CAPN15: variants seen among roughly 807,000 people sequenced by gnomAD.
The protein encoded by CAPN15 is calpain-15.
CAPN15 carries 53 observed loss-of-function variants against 97.9 expected under a neutral mutation model. The ratio of observed to expected loss-of-function variants is 0.54; its 90% CI spans 0.43 to 0.68. The LOEUF (loss-of-function observed/expected upper bound fraction) is 0.68. Ranked by LOEUF, CAPN15 falls within the 30% of genes least tolerant of loss-of-function variation. CAPN15 has a pLI of 0.00. For missense variants in CAPN15, 1,592 were observed against 1,589.8 expected (o/e 1.00, Z -0.02); for synonymous variants, 922 against 722.5 (o/e 1.28, Z -4.43).
chr16:548,242 C>T lies in CAPN15; in HGVS notation c.1404C>T (p.Gly468=), dbSNP rs374456445. 2.3e-4 allele frequency: 349 copies of T among 1,550,398 alleles called. 1 individual carries two copies. In the African/African-American group the frequency reaches 3.4e-3, roughly 15 times the overall value. Residue 468 remains glycine (G), a synonymous_variant, in exon 4 of 14, where the codon GGC becomes GGT. Transcript: ENST00000219611. ...HVEQRRQTDE[G]EAKALWENIV... ...AGCAGCGGCGGCAGACAGACGAGGG[C>T]GAGGCCAAGGCACTCTGGGAGAACA...
At position 552,124 on chromosome 16, in the gene CAPN15, A is replaced by T. The variant is rs1238662769; in HGVS notation, c.2419A>T (p.Ser807Cys). ...GGCGCGGGTGCAGGGCTGCTTTCCC[A>T]GCTCGGCCAGCGCGCCCGTGGGGGT... The part of the protein sequence containing the change: ...QEARVQGCFP[S>C]SASAPVGVTA... The change falls in exon 10 of 14, where the codon AGC becomes TGC. Residue 807 changes from serine to cysteine, a missense_variant. This residue lies in a region of CAPN15 where 644 missense variants were observed against 699.6 expected (regional missense o/e 0.92). Coordinates refer to ENST00000219611, the MANE Select transcript of CAPN15 (RefSeq NM_005632.3). The surrounding 1 kb of genome is among the most constrained non-coding windows in gnomAD (Gnocchi z 6.4). 2.6e-6 allele frequency: 4 copies of T among 1,548,358 alleles called. No individual in the cohort carries two copies. The highest frequency in any genetic ancestry group is 3.5e-6 in the Non-Finnish European group (4 of 1,146,512).
Position 547,442 on chromosome 16 carries a change from C to A in CAPN15, c.604C>A (p.Pro202Thr), listed in dbSNP as rs1486590311. Residue 202 changes from proline to threonine, a missense_variant, in exon 4 of 14, where the codon CCT becomes ACT. Around this residue, in one of 3 missense-constraint regions of CAPN15, gnomAD observed 883 missense variants for 776.6 expected, o/e 1.14. Coordinates refer to ENST00000219611, the MANE Select transcript of CAPN15 (RefSeq NM_005632.3). ...GFHVVPAAPPPGLPGEGAEAN... is the reference protein window; with the variant it reads ...GFHVVPAAPPTGLPGEGAEAN... Reference sequence around the variant, plus strand: ...CCACGTCGTGCCTGCCGCGCCTCCACCTGGCCTCCCCGGGGAAGGTGCCGA... The same window carrying A: ...CCACGTCGTGCCTGCCGCGCCTCCAACTGGCCTCCCCGGGGAAGGTGCCGA... 9 of 1,587,396 alleles carry A rather than the reference C, an allele frequency of 5.7e-6. No homozygotes were observed. The African/African-American group carries it at 1.2e-4, about 21-fold the overall frequency.
chr16:536,412 C>CG (rs1046473253), intron 3 of CAPN15, among the ~76,000 whole-genome samples: 2 of 140,220 alleles, frequency 1.4e-5, no homozygotes, highest in Non-Finnish European at 3.0e-5. Flanking sequence ...TAGGGGAACG[C>CG]GGGCTGGGAG....
At position 547,882 on chromosome 16, in the gene CAPN15, G is replaced by T. The variant is rs747269343; in HGVS notation, c.1044G>T (p.Lys348Asn). 1 of 1,611,424 alleles carries T rather than the reference G, an allele frequency of 6.2e-7. No homozygotes were observed. Among genetic ancestry groups the T allele is most frequent in the Non-Finnish European group, 8.5e-7 (1 of 1,179,372 alleles). Residue 348 changes from lysine to asparagine, a missense_variant, in exon 4 of 14, where the codon AAG becomes AAT. By Grantham distance (94) the Lys-to-Asn change is moderately conservative. Transcript: ENST00000219611. ...ACTTCACCACCTGGTCATGTGCCAA[G>T]TGCACGCTCAGAAACCCCACAGTGG... The part of the protein sequence containing the change: ...SPDFTTWSCA[K>N]CTLRNPTVAP...
Position 548,213 on chromosome 16 carries a change from G to A in CAPN15, c.1375G>A (p.Val459Met), listed in dbSNP as rs1329705792. ...APLRRRESMH[V>M]EQRRQTDEGE... is the part of the protein sequence containing the mutation. ...CCTGAGGCGCAGGGAGAGCATGCAC[G>A]TGGAGCAGCGGCGGCAGACAGACGA... is the stretch of plus-strand genomic sequence containing the variant. The change falls in exon 4 of 14, where the codon GTG becomes ATG. Residue 459 changes from valine to methionine, a missense_variant. This residue lies in a region of CAPN15 where 883 missense variants were observed against 776.6 expected (regional missense o/e 1.14). Transcript: ENST00000219611. 10 of 1,549,242 alleles carry A rather than the reference G, an allele frequency of 6.5e-6. No homozygotes were observed. The highest frequency in any genetic ancestry group is 8.7e-6 in the Non-Finnish European group (10 of 1,148,214).
At chr16:540,504 C>T (rs868460150) in intron 3 of CAPN15, 49 of 314,778 alleles carry the variant, frequency 1.6e-4, no homozygotes, top group African/African-American at 1.1e-3. Flanking sequence ...CAGCTCTCTT[C>T]CCCAGGGTGC....
rs779227235 is a variant in CAPN15 at position 553,007 on chromosome 16, C to T, written c.3049C>T (p.Leu1017=). The T allele has an allele frequency of 3.7e-6, 6 of 1,608,720 alleles. No homozygotes were observed. Among genetic ancestry groups the T allele is most frequent in the South Asian group, 3.3e-5 (3 of 90,714 alleles). Residue 1017 remains leucine, a synonymous_variant, in exon 13 of 14, where the codon CTG becomes TTG. Coordinates refer to ENST00000219611, the MANE Select transcript of CAPN15 (RefSeq NM_005632.3). ...CAACGTGGTGTCCACACGCGGCAGC[C>T]TGCGTACCCAGGATAGCGTGCCACC... ...SFNVVSTRGS[L]RTQDSVPPLH...
intron 7 of CAPN15, 131 bp from the exon 8 acceptor site, chr16:551,171 T>TG: frequency 8.1e-7 from 1 of 1,236,714 alleles, no homozygotes; most frequent in Non-Finnish European, 1.0e-6. Flanking sequence ...TCGGTGAGGG[T>TG]CCCGGTCGGT....
At position 554,464 on chromosome 16, in the gene CAPN15, T is replaced by C. The variant is rs1369428269; in HGVS notation, c.*948T>C. 9 of 453,246 alleles carry C rather than the reference T, an allele frequency of 2.0e-5. No individual in the cohort carries two copies. Among genetic ancestry groups the C allele is most frequent in the Non-Finnish European group, 4.0e-5 (9 of 225,894 alleles). 28.1% of individuals were successfully genotyped at this position (453,246 alleles called of 1,614,324 possible). A position where few individuals can be genotyped will look rare whatever the true frequency, so the allele number is the denominator to read the frequency against. On this transcript the variant is annotated 3_prime_UTR_variant, in exon 14 of 14. Coordinates refer to ENST00000219611, the MANE Select transcript of CAPN15 (RefSeq NM_005632.3). The stretch of plus-strand genomic sequence containing the variant: ...CTGGAGAAACATTCCCACTCCCCTT[T>C]GGCCTCCCTGTACTCTGAGCTGTGA...
intron 1 of CAPN15, among the ~76,000 whole-genome samples, chr16:530,620 G>A (rs912955551): frequency 2.0e-5 from 3 of 152,218 alleles, no homozygotes; most frequent in Non-Finnish European, 2.9e-5. Flanking sequence ...ACACAGCTGG[G>A]TGGAGACCTC....
intron 1 of CAPN15, among the ~76,000 whole-genome samples, chr16:533,574 C>T (rs2033427040): frequency 6.6e-6 from 1 of 152,188 alleles, no homozygotes; most frequent in African/African-American, 2.4e-5. Context: ...CTCTGCAGCC[C>T]CGCTCATGGA....
intron 9 of CAPN15, 70 bp downstream of exon 9, chr16:551,734 A>G (rs1596361010): frequency 1.3e-6 from 2 of 1,561,012 alleles, no homozygotes; most frequent in East Asian, 4.5e-5. Context: ...TCTGGAGAAC[A>G]AGCCTGTCCC....
chr16:549,367 G>C lies in CAPN15; in HGVS notation c.1738G>C (p.Glu580Gln), dbSNP rs766774513. The change falls in exon 6 of 14, where the codon GAG (glutamate) becomes CAG (glutamine). Residue 580 changes from glutamate (E) to glutamine (Q), a missense_variant. Glu to Gln is a conservative substitution (Grantham distance 29, BLOSUM62 2). Coordinates refer to ENST00000219611, the MANE Select transcript of CAPN15 (RefSeq NM_005632.3). ...RVMVTRSLCA[E>Q]GAYQVRLCKD... ...GATGGTCACGCGCAGCCTGTGTGCAGAGGGCGCCTACCAGGTGCGGCTGTG... is the reference window on the plus strand; with the variant it reads ...GATGGTCACGCGCAGCCTGTGTGCACAGGGCGCCTACCAGGTGCGGCTGTG... The C allele has an allele frequency of 1.3e-6, 2 of 1,598,182 alleles. No homozygotes were observed. Among genetic ancestry groups the C allele is most frequent in the South Asian group, 2.2e-5 (2 of 90,264 alleles).
chr16:536,206 G>A, intron 3 of CAPN15, 64 bp downstream of exon 3: 1 of 405,402 alleles, frequency 2.5e-6, no homozygotes, highest in Non-Finnish European at 3.3e-6. Flanking sequence ...TGTCCTCAGT[G>A]GCCCTGGACA....
chr16:535,622 C>G lies in CAPN15; in HGVS notation c.-136-407C>G, dbSNP rs551448387. On this transcript the variant is annotated intron_variant, in intron 2 of 13. Coordinates refer to ENST00000219611, the MANE Select transcript of CAPN15 (RefSeq NM_005632.3). This position sits in a 1 kb window ranked among gnomAD's most constrained non-coding sequence, Gnocchi z 6.2. ...GGACTTGTGGGGGTCAGGCATGGAT[C>G]CACACAGCCCGGGGCCCTCCGCACC... 6.6e-6 allele frequency among the ~76,000 whole-genome samples: 1 copy of G among 152,144 alleles called. No homozygotes were observed. Among genetic ancestry groups the G allele is most frequent in the South Asian group, 2.1e-4 (1 of 4,826 alleles).
At position 549,263 on chromosome 16, in the gene CAPN15, G is replaced by A. The variant is rs200640412; in HGVS notation, c.1659-25G>A. On this transcript the variant is annotated intron_variant, in intron 5 of 13. Transcript: ENST00000219611. ...GCGGGCGACCGGCCGCGGTCCCCGC[G>A]AGGTCACCCTGAGGCTCTGCGCAGG... 236 of 1,565,220 alleles carry A rather than the reference G, an allele frequency of 1.5e-4. 1 individual carries two copies. In the East Asian group the frequency reaches 5.0e-3, roughly 33 times the overall value.
Position 552,801 on chromosome 16 carries a change from T to TGGGGGGGGGGGGGGGTGGGGG in CAPN15, c.2904+34_2904+35insGGGGGGGGGGGTGGGGGGGGG. The TGGGGGGGGGGGGGGGTGGGGG allele has an allele frequency of 6.6e-7, 1 of 1,504,538 alleles. No individual in the cohort carries two copies. The highest frequency in any genetic ancestry group is 8.9e-7 in the Non-Finnish European group (1 of 1,119,166). 93.2% of individuals were successfully genotyped at this position (1,504,538 alleles called of 1,614,324 possible). A position where few individuals can be genotyped will look rare whatever the true frequency, so the allele number is the denominator to read the frequency against. ...GTGGGGGTCCCGGGGGAGGGTGGCG[T>TGGGGGGGGGGGGGGGTGGGGG]GGGGCAGGGGGAGTATGCCCCAGCA... On this transcript the variant is annotated intron_variant, in intron 12 of 13. Transcript: ENST00000219611. The surrounding 1 kb of genome is among the most constrained non-coding windows in gnomAD (Gnocchi z 6.4).
chr16:532,006 G>A (rs375543014), intron 1 of CAPN15, among the ~76,000 whole-genome samples: 3 of 152,248 alleles, frequency 2.0e-5, no homozygotes, highest in South Asian at 2.1e-4. Flanking sequence ...TTCAGAGGCC[G>A]AGGCAGGTGG....
chr16:535,849 G>A lies in CAPN15; in HGVS notation c.-136-180G>A, dbSNP rs1490982478. ...ACATGCAGCTCACGGGAGCAGCACA[G>A]ATGCTTGGCCGGCGGCAGGCCCTAC... On this transcript the variant is annotated intron_variant, in intron 2 of 13. Transcript: ENST00000219611. The surrounding 1 kb of genome is among the most constrained non-coding windows in gnomAD (Gnocchi z 6.2). Among the ~76,000 whole-genome samples the A allele has an allele frequency of 6.6e-6, 1 of 152,168 alleles. No homozygotes were observed. Among genetic ancestry groups the A allele is most frequent in the East Asian group, 1.9e-4 (1 of 5,194 alleles).
Sources: allele counts gnomAD v4.1 joint callset (sites outside exome capture counted in the v4.1 genomes callset), GRCh38; gene constraint gnomAD v4.1.1; regional missense constraint gnomAD v4.1.1; non-coding constraint Gnocchi (gnomAD v3.1); transcripts MANE v1.5; gene names NCBI Gene and HGNC (gene_info 2026-07-23, HGNC 2026-07-21).